The following RBFOX1 variants were observed in gnomAD, a reference collection of about 807,000 sequenced individuals.
RBFOX1 encodes the protein RNA binding protein fox-1 homolog 1.
A neutral mutation model predicts 57.7 loss-of-function variants in RBFOX1; 8 were observed. That is an observed-to-expected ratio of 0.14 (90% CI 0.08 to 0.25). RBFOX1 has a LOEUF of 0.25. Among genes scored for constraint, RBFOX1 ranks in the 10% least tolerant of loss-of-function variants. RBFOX1 has a pLI of 1.00. For synonymous variants in RBFOX1, 326 were observed against 222.4 expected, an observed-to-expected ratio of 1.47 and a Z score of -4.15; for missense variants, 611 against 548.5, an observed-to-expected ratio of 1.11 and a Z score of -1.14.
At chr16:6,981,525 C>T (rs1201556455) in intron 3 of RBFOX1, among the ~76,000 whole-genome samples, 1 of 152,096 alleles carries the variant, frequency 6.6e-6, no homozygotes, top group South Asian at 2.1e-4. Context: ...TAAAGACGTA[C>T]CTGAGACTGG....
intron 1 of RBFOX1, among the ~76,000 whole-genome samples, chr16:5,284,955 T>A (rs2063357781): frequency 6.6e-6 from 1 of 151,710 alleles, no homozygotes; most frequent in African/African-American, 2.4e-5. Context: ...CCTTTTTGGG[T>A]TGTATTTATT....
chr16:7,258,413 C>G (rs565183107), intron 4 of RBFOX1, among the ~76,000 whole-genome samples: 5 of 152,260 alleles, frequency 3.3e-5, no homozygotes, highest in East Asian at 1.9e-4. Flanking sequence ...ATTTGACATT[C>G]TGTTTCACTG....
intron 7 of RBFOX1, among the ~76,000 whole-genome samples, chr16:7,588,627 G>T (rs768878851): frequency 3.3e-5 from 5 of 152,164 alleles, no homozygotes; most frequent in Non-Finnish European, 7.3e-5. Context: ...TCAGCCCATT[G>T]ACTCTCCTTA....
chr16:6,109,766 C>T (rs1320579073), intron 1 of RBFOX1, among the ~76,000 whole-genome samples: 1 of 152,078 alleles, frequency 6.6e-6, no homozygotes, highest in Admixed American at 6.6e-5. Flanking sequence ...GCTGAAATGC[C>T]ACAGGAATCC....
chr16:7,071,512 A>G (rs138744462), intron 4 of RBFOX1, among the ~76,000 whole-genome samples: 1,529 of 151,902 alleles, frequency 0.01, 30 homozygotes, highest in African/African-American at 0.035. Context: ...TTTTGAATAG[A>G]TTTGAAAGCA....
chr16:6,618,418 C>T (rs1055365431), intron 2 of RBFOX1, among the ~76,000 whole-genome samples: 1 of 152,138 alleles, frequency 6.6e-6, no homozygotes, highest in African/African-American at 2.4e-5. Context: ...GAAGAAGACA[C>T]TGAAACACAG....
At chr16:5,543,091 C>T (rs1663880468) in intron 2 of RBFOX1, among the ~76,000 whole-genome samples, 1 of 152,134 alleles carries the variant, frequency 6.6e-6, no homozygotes. Context: ...GCTGACAAAT[C>T]TTAAAAATAA....
At chr16:6,638,255 CTAAA>C (rs1480829583) in intron 2 of RBFOX1, among the ~76,000 whole-genome samples, 11 of 152,108 alleles carry the variant, frequency 7.2e-5, no homozygotes, top group African/African-American at 2.2e-4. Context: ...TGTAATTATC[CTAAA>C]CTGTTTTAAG....
intron 3 of RBFOX1, among the ~76,000 whole-genome samples, chr16:5,695,399 G>T (rs2151469458): frequency 6.6e-6 from 1 of 152,242 alleles, no homozygotes; most frequent in Admixed American, 6.5e-5. Context: ...AAATCGCTTA[G>T]AAATCACTGA....
chr16:6,479,375 G>A (rs984090227), intron 2 of RBFOX1, among the ~76,000 whole-genome samples: 3 of 152,084 alleles, frequency 2.0e-5, no homozygotes, highest in African/African-American at 7.2e-5. Flanking sequence ...ATCTCTTGAG[G>A]ACAGGAGTTA....
At chr16:6,795,550 G>A (rs188029909) in intron 3 of RBFOX1, among the ~76,000 whole-genome samples, 37 of 152,024 alleles carry the variant, frequency 2.4e-4, no homozygotes, top group Admixed American at 2.2e-3. Context: ...GGTGAATCAC[G>A]AGGTCACAAG....
At chr16:6,740,928 A>T (rs906151299) in intron 3 of RBFOX1, among the ~76,000 whole-genome samples, 2 of 152,210 alleles carry the variant, frequency 1.3e-5, no homozygotes, top group Non-Finnish European at 2.9e-5. Context: ...ATTTTGAAAA[A>T]TAAGAATCAG....
At chr16:6,639,720 C>G (rs553140222) in intron 2 of RBFOX1, among the ~76,000 whole-genome samples, 14 of 152,104 alleles carry the variant, frequency 9.2e-5, no homozygotes, top group African/African-American at 3.4e-4. Flanking sequence ...ACTAAAAATA[C>G]AAAACCAAAT....
At chr16:6,633,745 A>T (rs1419105088) in intron 2 of RBFOX1, among the ~76,000 whole-genome samples, 1 of 152,202 alleles carries the variant, frequency 6.6e-6, no homozygotes, top group Non-Finnish European at 1.5e-5. Context: ...GCTGTAGCTC[A>T]TGCCTGTAAT....
chr16:6,683,825 C>T (rs1035067125), intron 3 of RBFOX1, among the ~76,000 whole-genome samples: 1 of 152,156 alleles, frequency 6.6e-6, no homozygotes, highest in Non-Finnish European at 1.5e-5. Context: ...GAAGTTGACT[C>T]TTCATGGGTT....
chr16:6,489,994 C>G (rs1598090485), intron 2 of RBFOX1, among the ~76,000 whole-genome samples: 1 of 152,158 alleles, frequency 6.6e-6, no homozygotes, highest in Non-Finnish European at 1.5e-5. Flanking sequence ...TTCTGATGCT[C>G]TTAAAATGTT....
At chr16:6,976,092 A>C (rs78320968) in intron 3 of RBFOX1, among the ~76,000 whole-genome samples, 8,317 of 152,228 alleles carry the variant, frequency 0.055, 255 homozygotes, top group African/African-American at 0.072. Context: ...GTCCCACTGC[A>C]GTTCAGCCTG....
At chr16:5,714,088 C>T (rs1596911619) in intron 3 of RBFOX1, among the ~76,000 whole-genome samples, 1 of 152,220 alleles carries the variant, frequency 6.6e-6, no homozygotes, top group African/African-American at 2.4e-5. Context: ...CTTCAGTTCT[C>T]TTTGCACAGA....
At chr16:5,819,675 A>T (rs200626731) in intron 3 of RBFOX1, among the ~76,000 whole-genome samples, 2 of 152,324 alleles carry the variant, frequency 1.3e-5, no homozygotes, top group East Asian at 1.9e-4. Context: ...GCCCTTATCT[A>T]TGCTGCTCCC....
Sources: allele counts gnomAD v4.1 joint callset (sites outside exome capture counted in the v4.1 genomes callset), GRCh38; gene constraint gnomAD v4.1.1; transcripts MANE v1.5; gene names NCBI Gene and HGNC (gene_info 2026-07-23, HGNC 2026-07-21).